Variants in IL1RAPL2 observed in about 807,000 individuals in gnomAD.
IL1RAPL2 encodes the protein X-linked interleukin-1 receptor accessory protein-like 2.
IL1RAPL2 carries 3 observed loss-of-function variants against 44.1 expected under a neutral mutation model. The observed-to-expected ratio is 0.07, with a 90% confidence interval of 0.03 to 0.18. The LOEUF (loss-of-function observed/expected upper bound fraction) is 0.18. Ranked by LOEUF, IL1RAPL2 falls within the 10% of genes least tolerant of loss-of-function variation. The probability of loss-of-function intolerance (pLI) is 1.00; values close to 1 mark genes in which losing one functional copy is unlikely to be tolerated. For synonymous variants in IL1RAPL2, 181 were observed against 178.8 expected, an observed-to-expected ratio of 1.01 and a Z score of -0.10; for missense variants, 391 against 496.4, an observed-to-expected ratio of 0.79 and a Z score of 2.02.
intron 6 of IL1RAPL2, among the ~76,000 whole-genome samples, chrX:105,607,079 T>A (rs1216274950): frequency 9.0e-6 from 1 of 111,586 alleles, no homozygotes; most frequent in Non-Finnish European, 1.9e-5. Flanking sequence ...AAGTTTGAGG[T>A]GATGGATATG....
chrX:105,040,502 A>T (rs1461344946), intron 2 of IL1RAPL2, among the ~76,000 whole-genome samples: 1 of 110,864 alleles, frequency 9.0e-6, no homozygotes, highest in Non-Finnish European at 1.9e-5. Context: ...CTGTGAATCC[A>T]TCTGGTCCTG....
At chrX:105,432,281 C>T (rs1038419839) in intron 5 of IL1RAPL2, among the ~76,000 whole-genome samples, 5 of 109,452 alleles carry the variant, frequency 4.6e-5, no homozygotes, top group Admixed American at 9.8e-5. Flanking sequence ...CTCATTTGCT[C>T]TAAGGTGTTA....
rs1156388195 is a variant in IL1RAPL2, at chrX:104,607,697, C to A, written c.-20+40646C>A. Among the ~76,000 whole-genome samples, 6 of 111,517 alleles carry A rather than the reference C, an allele frequency of 5.4e-5. No individual in the cohort carries two copies. In the East Asian group the frequency reaches 1.7e-3, roughly 32 times the overall value. Reference sequence around the variant, plus strand: ...ACCACAGTGAGATACCATCTCACGCCAGTTAGGCAATCATCAAAAAGTCAG... The same window carrying A: ...ACCACAGTGAGATACCATCTCACGCAAGTTAGGCAATCATCAAAAAGTCAG... On this transcript the variant is annotated intron_variant, in intron 1 of 10. Coordinates refer to ENST00000372582, the MANE Select transcript of IL1RAPL2 (RefSeq NM_017416.2).
At chrX:104,833,069 A>C (rs761142178) in intron 2 of IL1RAPL2, among the ~76,000 whole-genome samples, 1 of 112,187 alleles carries the variant, frequency 8.9e-6, no homozygotes, top group Non-Finnish European at 1.9e-5. Flanking sequence ...TGTCATTTCT[A>C]TGAATTGTTC....
At position 105,245,928 on chromosome X, in the gene IL1RAPL2, T is replaced by C. The variant is rs182592014; in HGVS notation, c.543+11924T>C. 5.3e-3 allele frequency among the ~76,000 whole-genome samples: 595 copies of C among 112,624 alleles called. 3 individuals carry two copies. Among genetic ancestry groups the C allele is most frequent in the Non-Finnish European group, 9.7e-3 (515 of 53,262 alleles). On this transcript the variant is annotated intron_variant, in intron 4 of 10. Transcript: ENST00000372582. ...TTAGATGTTTGACATTGGTTATAAA[T>C]GGAATTGGTTGGGAATGATGGATGG...
At chrX:104,658,720 A>G (rs1400596539) in intron 1 of IL1RAPL2, among the ~76,000 whole-genome samples, 175 bp from the exon 2 acceptor site, 2 of 112,838 alleles carry the variant, frequency 1.8e-5, no homozygotes, top group African/African-American at 6.4e-5. Flanking sequence ...GGAACCTGAC[A>G]TGGTTTAACT....
intron 2 of IL1RAPL2, among the ~76,000 whole-genome samples, chrX:104,787,680 C>T (rs754745366): frequency 1.8e-5 from 2 of 111,740 alleles, no homozygotes; most frequent in Non-Finnish European, 3.8e-5. Context: ...CCCACTGAGT[C>T]ATGTAGCTCA....
chrX:104,862,637 T>G (rs907319982), intron 2 of IL1RAPL2, among the ~76,000 whole-genome samples: 7 of 111,790 alleles, frequency 6.3e-5, no homozygotes, highest in African/African-American at 1.9e-4. Context: ...TTCTGTTGAT[T>G]AAGCCACTCA....
At chrX:105,153,285 A>G (rs2033242978) in intron 2 of IL1RAPL2, among the ~76,000 whole-genome samples, 1 of 112,232 alleles carries the variant, frequency 8.9e-6, no homozygotes, top group African/African-American at 3.2e-5. Context: ...GTTTTATATT[A>G]CAGCCACATG....
chrX:104,789,173 T>C (rs994593390), intron 2 of IL1RAPL2, among the ~76,000 whole-genome samples: 4 of 111,548 alleles, frequency 3.6e-5, no homozygotes, highest in African/African-American at 1.3e-4. Flanking sequence ...AGGGGGTACA[T>C]GTACAGGTTT....
intron 2 of IL1RAPL2, among the ~76,000 whole-genome samples, chrX:104,961,270 C>T (rs761747944): frequency 8.9e-6 from 1 of 111,821 alleles, no homozygotes; most frequent in East Asian, 2.8e-4. Context: ...AGAGGTCAAA[C>T]ATTGCTGCCT....
chrX:105,640,736 A>ACACACACATATC lies in IL1RAPL2; in HGVS notation c.773-76631_773-76630insCACACACATATC, dbSNP rs2037561693. Among the ~76,000 whole-genome samples, 3 of 77,009 alleles carry ACACACACATATC rather than the reference A, an allele frequency of 3.9e-5. No individual in the cohort carries two copies. The East Asian group carries it at 1.1e-3, about 29-fold the overall frequency. The allele number at this position is 77,009 out of a possible 115,157, so 66.9% of individuals were successfully genotyped here. A position where few individuals can be genotyped will look rare whatever the true frequency, so the allele number is the denominator to read the frequency against. ...TATACACACACATATCTATATATAT[A>ACACACACATATC]GATATAGATAGATATAGATATAGAT... On this transcript the variant is annotated intron_variant, in intron 6 of 10. Coordinates refer to ENST00000372582, the MANE Select transcript of IL1RAPL2 (RefSeq NM_017416.2).
chrX:105,260,045 C>T (rs761552739), intron 4 of IL1RAPL2, among the ~76,000 whole-genome samples: 2 of 112,393 alleles, frequency 1.8e-5, no homozygotes, highest in Non-Finnish European at 3.8e-5. Context: ...AGATATGGAC[C>T]TGTTGCTAGC....
chrX:104,996,907 C>A (rs1264727804), intron 2 of IL1RAPL2, among the ~76,000 whole-genome samples: 1 of 111,243 alleles, frequency 9.0e-6, no homozygotes, highest in African/African-American at 3.3e-5. Context: ...AGTGAGTATT[C>A]GGGAACCAAC....
intron 5 of IL1RAPL2, among the ~76,000 whole-genome samples, chrX:105,413,656 C>T (rs73527133): frequency 0.22 from 25,148 of 111,950 alleles, 6,796 homozygotes; most frequent in African/African-American, 0.78. Context: ...GGAATACATT[C>T]TTGTTATTTT....
At chrX:105,545,019 G>T (rs1283591955) in intron 6 of IL1RAPL2, among the ~76,000 whole-genome samples, 2 of 110,953 alleles carry the variant, frequency 1.8e-5, no homozygotes, top group African/African-American at 6.5e-5. Flanking sequence ...TTTTTGTATT[G>T]TTGCTGTCAT....
At chrX:105,085,766 G>T (rs984104156) in intron 2 of IL1RAPL2, among the ~76,000 whole-genome samples, 2 of 111,758 alleles carry the variant, frequency 1.8e-5, no homozygotes, top group Non-Finnish European at 3.8e-5. Context: ...CACAAACTTT[G>T]CTACTAATAG....
chrX:104,846,968 C>T (rs1379813089), intron 2 of IL1RAPL2, among the ~76,000 whole-genome samples: 9 of 112,237 alleles, frequency 8.0e-5, no homozygotes, highest in Non-Finnish European at 1.5e-4. Flanking sequence ...CGTTTTTTCA[C>T]ATGTCTGTTG....
chrX:105,141,914 C>A (rs1254892227), intron 2 of IL1RAPL2, among the ~76,000 whole-genome samples: 1 of 111,739 alleles, frequency 8.9e-6, no homozygotes, highest in Non-Finnish European at 1.9e-5. Context: ...AATAATAATA[C>A]CTTTAATATG....
Sources: allele counts gnomAD v4.1 joint callset (sites outside exome capture counted in the v4.1 genomes callset), GRCh38; gene constraint gnomAD v4.1.1; transcripts MANE v1.5; gene names NCBI Gene and HGNC (gene_info 2026-07-23, HGNC 2026-07-21).